The following PTPRD variants were observed in gnomAD, a reference collection of about 807,000 sequenced individuals.
The protein encoded by PTPRD is protein tyrosine phosphatase receptor type D.
In PTPRD, 34 loss-of-function variants were observed where a neutral mutation model predicts 214.5. The ratio of observed to expected loss-of-function variants is 0.16; its 90% CI spans 0.12 to 0.21. The LOEUF (loss-of-function observed/expected upper bound fraction) is 0.21. Ranked by LOEUF, PTPRD falls within the 10% of genes least tolerant of loss-of-function variation. The pLI, the probability that PTPRD is intolerant of heterozygous loss-of-function variation, is 1.00. For synonymous variants in PTPRD, 1,128 were observed against 845.7 expected, an observed-to-expected ratio of 1.33 and a Z score of -5.79; for missense variants, 2,545 against 2,398.7, an observed-to-expected ratio of 1.06 and a Z score of -1.27.
chr9:10,297,855 T>A (rs555666933), intron 3 of PTPRD, among the ~76,000 whole-genome samples: 5 of 152,206 alleles, frequency 3.3e-5, no homozygotes, highest in African/African-American at 1.2e-4. Flanking sequence ...TCCAACCACT[T>A]GCAAACATTT....
intron 9 of PTPRD, among the ~76,000 whole-genome samples, chr9:9,286,797 G>C (rs933147126): frequency 6.9e-6 from 1 of 144,786 alleles, no homozygotes; most frequent in African/African-American, 2.5e-5. Context: ...TCTGTTGATA[G>C]CATAGTGCCT....
At chr9:9,788,264 CT>C (rs948877630) in intron 5 of PTPRD, among the ~76,000 whole-genome samples, 6 of 151,588 alleles carry the variant, frequency 4.0e-5, no homozygotes, top group African/African-American at 1.5e-4. Context: ...ATAAAAATAG[CT>C]CTCTGGCCGG....
intron 2 of PTPRD, among the ~76,000 whole-genome samples, chr9:10,395,154 G>T (rs1226516586): frequency 1.3e-5 from 2 of 151,232 alleles, no homozygotes; most frequent in Admixed American, 1.3e-4. Context: ...ACAGCCTGCA[G>T]GTTTGTTAAC....
At chr9:8,769,149 T>C (rs920830496) in intron 11 of PTPRD, among the ~76,000 whole-genome samples, 2 of 152,242 alleles carry the variant, frequency 1.3e-5, no homozygotes, top group Non-Finnish European at 2.9e-5. Flanking sequence ...ATGTGCAGCA[T>C]GAAGAAAAAC....
In PTPRD at chr9:9,082,922, A is replaced by G. The variant is rs1190998072; in HGVS notation, c.-142-64187T>C. 2.0e-5 allele frequency among the ~76,000 whole-genome samples: 3 copies of G among 152,298 alleles called. No individual in the cohort carries two copies. The East Asian group carries it at 5.8e-4, about 29-fold the overall frequency. On this transcript the variant is annotated intron_variant, in intron 10 of 45. Transcript: ENST00000381196. ...AGAGAGGATACAAACGAATGGAAAA[A>G]CATTCCATGCTCATGGATAGGAAGA...
intron 9 of PTPRD, among the ~76,000 whole-genome samples, chr9:9,378,002 T>A (rs928211086): frequency 2.0e-5 from 3 of 152,076 alleles, no homozygotes; most frequent in Admixed American, 1.3e-4. Context: ...CTCCCACATA[T>A]GCACAACCTC....
chr9:10,030,087 G>A (rs1054176857), intron 4 of PTPRD, among the ~76,000 whole-genome samples: 7 of 152,176 alleles, frequency 4.6e-5, no homozygotes, highest in Middle Eastern at 3.4e-3. Context: ...TTCACCTTCC[G>A]CCATGATTGT....
chr9:10,180,141 T>G (rs977948541), intron 3 of PTPRD, among the ~76,000 whole-genome samples: 1 of 152,080 alleles, frequency 6.6e-6, no homozygotes, highest in Non-Finnish European at 1.5e-5. Context: ...ATACAATATT[T>G]GAAAATTTAA....
At chr9:9,036,948 C>T (rs1158862577) in intron 10 of PTPRD, among the ~76,000 whole-genome samples, 5 of 152,140 alleles carry the variant, frequency 3.3e-5, no homozygotes, top group Non-Finnish European at 7.4e-5. Flanking sequence ...GCTTCCAACT[C>T]TCCTTAAAAA....
intron 4 of PTPRD, among the ~76,000 whole-genome samples, chr9:9,968,542 T>G (rs1342706629): frequency 1.3e-5 from 2 of 152,158 alleles, no homozygotes; most frequent in Non-Finnish European, 2.9e-5. Context: ...GTCCAGAGAA[T>G]GCTGTACTTT....
chr9:8,505,327 TA>T, intron 22 of PTPRD, among the ~76,000 whole-genome samples: 1 of 151,918 alleles, frequency 6.6e-6, no homozygotes, highest in Non-Finnish European at 1.5e-5. Flanking sequence ...ACAAATCAGT[TA>T]AGAAGAATTC....
At chr9:8,841,085 G>C (rs1411189102) in intron 11 of PTPRD, among the ~76,000 whole-genome samples, 1 of 152,152 alleles carries the variant, frequency 6.6e-6, no homozygotes. Context: ...AAATCTTTCT[G>C]GGGTAAAATG....
intron 2 of PTPRD, among the ~76,000 whole-genome samples, chr9:10,355,379 T>G (rs927448964): frequency 6.6e-6 from 1 of 152,060 alleles, no homozygotes; most frequent in African/African-American, 2.4e-5. Flanking sequence ...GTTATATTTT[T>G]AAAACATATT....
chr9:10,404,365 T>G (rs1377640526), intron 2 of PTPRD, among the ~76,000 whole-genome samples: 1 of 151,698 alleles, frequency 6.6e-6, no homozygotes, highest in Non-Finnish European at 1.5e-5. Flanking sequence ...GTTCAAAACT[T>G]TCATACTTTG....
At chr9:9,353,510 C>T (rs2052348067) in intron 9 of PTPRD, among the ~76,000 whole-genome samples, 1 of 151,540 alleles carries the variant, frequency 6.6e-6, no homozygotes, top group Admixed American at 6.6e-5. Context: ...CTATATATTG[C>T]AATCTTGAGT....
chr9:9,962,429 T>C (rs1388556901), intron 4 of PTPRD, among the ~76,000 whole-genome samples: 1 of 151,994 alleles, frequency 6.6e-6, no homozygotes, highest in African/African-American at 2.4e-5. Context: ...ATAAAGAAAA[T>C]TAGAATATCT....
intron 11 of PTPRD, among the ~76,000 whole-genome samples, chr9:8,983,472 G>T (rs1182055927): frequency 6.6e-6 from 1 of 151,806 alleles, no homozygotes; most frequent in Non-Finnish European, 1.5e-5. Context: ...TGACTTTTTT[G>T]TGTTTAGGAA....
chr9:10,146,493 A>G (rs964932280), intron 3 of PTPRD, among the ~76,000 whole-genome samples: 3 of 152,134 alleles, frequency 2.0e-5, no homozygotes, highest in African/African-American at 7.2e-5. Flanking sequence ...GGTTGAAATT[A>G]TGACCTCAGG....
intron 7 of PTPRD, among the ~76,000 whole-genome samples, chr9:9,603,617 T>C (rs959677449): frequency 2.6e-5 from 4 of 152,022 alleles, no homozygotes; most frequent in African/African-American, 9.7e-5. Context: ...TCAAACCCTA[T>C]TGTGAACAGT....
Sources: gnomAD v4.1 joint callset for allele counts (sites outside exome capture counted in the v4.1 genomes callset) on GRCh38, gnomAD v4.1.1 for gene constraint, MANE v1.5 for transcripts, NCBI Gene and HGNC (gene_info 2026-07-23, HGNC 2026-07-21) for gene names.